Variants in MYO16 observed in about 807,000 individuals in gnomAD.
MYO16 encodes the protein unconventional myosin-XVI.
MYO16 carries 94 observed loss-of-function variants against 205.3 expected under a neutral mutation model. That is an observed-to-expected ratio of 0.46 (90% CI 0.39 to 0.54). The LOEUF (loss-of-function observed/expected upper bound fraction) is 0.54. MYO16 is among the 20% of genes least tolerant of loss of function. The pLI is 0.00. For missense variants in MYO16, 2,315 were observed against 2,387.5 expected, an observed-to-expected ratio of 0.97 and a Z score of 0.63; for synonymous variants, 988 against 954.0, an observed-to-expected ratio of 1.04 and a Z score of -0.66.
At chr13:108,538,528 C>A in the MYO16 span, among the ~76,000 whole-genome samples, 4 of 152,098 alleles carry the variant, frequency 2.6e-5, no homozygotes, top group East Asian at 1.9e-4. Context: ...AAAGTGAAGA[C>A]AGCAAATACT....
chr13:108,576,405 T>G, the MYO16 span, among the ~76,000 whole-genome samples: 24,678 of 152,168 alleles, frequency 0.16, 2,394 homozygotes, highest in Non-Finnish European at 0.22. Context: ...ACTGTCATAC[T>G]GAGGAACAAC....
intron 1 of MYO16, among the ~76,000 whole-genome samples, chr13:108,599,328 A>T (rs1878678347): frequency 6.7e-6 from 1 of 148,642 alleles, no homozygotes; most frequent in Admixed American, 6.8e-5. Flanking sequence ...TTATAGCAGC[A>T]TGATTTATAG....
chr13:108,928,923 T>C (rs1025524893), intron 16 of MYO16, among the ~76,000 whole-genome samples: 1 of 152,128 alleles, frequency 6.6e-6, no homozygotes, highest in Non-Finnish European at 1.5e-5. Flanking sequence ...AAATCAGAAA[T>C]TGTACAGGGC....
chr13:108,737,621 G>A (rs977133986), intron 4 of MYO16, among the ~76,000 whole-genome samples: 28 of 152,146 alleles, frequency 1.8e-4, no homozygotes, highest in Middle Eastern at 3.2e-3. Flanking sequence ...TCTCTGCCAG[G>A]CTTTGGTATC....
intron 3 of MYO16, among the ~76,000 whole-genome samples, chr13:108,716,716 C>A (rs568774179): frequency 6.6e-6 from 1 of 152,104 alleles, no homozygotes; most frequent in African/African-American, 2.4e-5. Context: ...TAATTATAGA[C>A]GATCAGCGAC....
chr13:108,905,323 T>C (rs1181513265), intron 15 of MYO16, among the ~76,000 whole-genome samples: 1 of 152,228 alleles, frequency 6.6e-6, no homozygotes, highest in African/African-American at 2.4e-5. Context: ...CTTTTGAAGT[T>C]GACTATTTCT....
At chr13:109,011,731 T>C (rs1885608136) in intron 22 of MYO16, among the ~76,000 whole-genome samples, 1 of 152,010 alleles carries the variant, frequency 6.6e-6, no homozygotes, top group South Asian at 2.1e-4. Flanking sequence ...GCCAGGATGG[T>C]CTGGATCTCC....
intron 8 of MYO16, among the ~76,000 whole-genome samples, chr13:108,822,359 G>A (rs79409848): frequency 6.6e-6 from 1 of 152,008 alleles, no homozygotes; most frequent in East Asian, 1.9e-4. Context: ...ATCCCAGAAG[G>A]CCACATAACT....
chr13:108,973,885 A>G (rs1416754034), intron 20 of MYO16, among the ~76,000 whole-genome samples: 1 of 152,272 alleles, frequency 6.6e-6, no homozygotes, highest in East Asian at 1.9e-4. Context: ...AATTAGAGGG[A>G]AAAATATTCC....
chr13:109,000,424 T>A (rs1476844800), intron 21 of MYO16, among the ~76,000 whole-genome samples: 1 of 152,234 alleles, frequency 6.6e-6, no homozygotes, highest in African/African-American at 2.4e-5. Flanking sequence ...CAGGAGCTGC[T>A]CCAGCACAGG....
At chr13:108,729,551 TC>T (rs2139588534) in intron 4 of MYO16, among the ~76,000 whole-genome samples, 1 of 152,324 alleles carries the variant, frequency 6.6e-6, no homozygotes, top group South Asian at 2.1e-4. Context: ...CATCCTTATT[TC>T]TTTTCTCTGA....
intron 2 of MYO16, among the ~76,000 whole-genome samples, chr13:108,700,524 C>T (rs970556721): frequency 6.6e-6 from 1 of 152,102 alleles, no homozygotes; most frequent in Non-Finnish European, 1.5e-5. Context: ...CCAGCAGCCT[C>T]GGAGCCACTG....
chr13:108,620,780 T>C (rs1030081165), intron 1 of MYO16, among the ~76,000 whole-genome samples: 4 of 152,292 alleles, frequency 2.6e-5, no homozygotes, highest in African/African-American at 9.6e-5. Context: ...TGGCCTCCAC[T>C]TCCCAAACAC....
At chr13:108,522,987 A>G in the MYO16 span, among the ~76,000 whole-genome samples, 1 of 152,162 alleles carries the variant, frequency 6.6e-6, no homozygotes, top group South Asian at 2.1e-4. Context: ...ATCCATAACA[A>G]AAAATGCCAT....
At chr13:108,674,566 A>T (rs1231047513) in intron 2 of MYO16, among the ~76,000 whole-genome samples, 1 of 152,190 alleles carries the variant, frequency 6.6e-6, no homozygotes, top group Non-Finnish European at 1.5e-5. Flanking sequence ...TGAAAATGCG[A>T]TGCTCTATAA....
the MYO16 span, among the ~76,000 whole-genome samples, chr13:108,543,655 A>G: frequency 2.0e-4 from 30 of 150,526 alleles, 1 homozygote; most frequent in Non-Finnish European, 4.4e-5. Flanking sequence ...AAAAAAAAAA[A>G]AAAAAAAAGA....
chr13:108,824,632 C>T (rs1876156594), intron 9 of MYO16, among the ~76,000 whole-genome samples: 1 of 152,044 alleles, frequency 6.6e-6, no homozygotes, highest in Admixed American at 6.6e-5. Context: ...ATCTAACAGA[C>T]ATATTTAGAG....
chr13:108,786,472 A>G (rs957448759), intron 5 of MYO16, among the ~76,000 whole-genome samples: 16 of 152,160 alleles, frequency 1.1e-4, no homozygotes, highest in African/African-American at 3.9e-4. Flanking sequence ...AGAAATTCCA[A>G]TCCCTTCAAA....
chr13:109,203,909 C>A (rs1880499125), intron 34 of MYO16, among the ~76,000 whole-genome samples: 1 of 152,158 alleles, frequency 6.6e-6, no homozygotes, highest in Admixed American at 6.5e-5. Flanking sequence ...CATTTGAGGA[C>A]CTATAAGTTT....
Sources: allele counts gnomAD v4.1 joint callset (sites outside exome capture counted in the v4.1 genomes callset), GRCh38; gene constraint gnomAD v4.1.1; transcripts MANE v1.5; gene names NCBI Gene and HGNC (gene_info 2026-07-23, HGNC 2026-07-21).